The following SLC25A37 variants were observed in gnomAD, a reference collection of about 807,000 sequenced individuals.
SLC25A37 encodes the protein mitoferrin-1.
A neutral mutation model predicts 31.0 loss-of-function variants in SLC25A37; 17 were observed. That is an observed-to-expected ratio of 0.55 (90% CI 0.38 to 0.82). The LOEUF (loss-of-function observed/expected upper bound fraction) is 0.82, where lower values mean the gene tolerates loss of function less well. SLC25A37 is among the 40% of genes least tolerant of loss of function. The pLI is 0.00. For missense variants in SLC25A37, 404 were observed against 465.8 expected (o/e 0.87, Z 1.22); for synonymous variants, 222 against 193.0 (o/e 1.15, Z -1.24).
chr8:23,568,403 G>A (rs1802725455), intron 3 of SLC25A37, 25 bp downstream of exon 3: 3 of 1,613,812 alleles, frequency 1.9e-6, no homozygotes, highest in Non-Finnish European at 2.5e-6. Flanking sequence ...TCCCAGGGAG[G>A]GGCAGTAGGG....
Position 23,528,990 on chromosome 8 carries a change from G to A in SLC25A37, c.-13G>A, listed in dbSNP as rs982861663. On this transcript the variant is annotated 5_prime_UTR_variant, in exon 1 of 4. Coordinates refer to ENST00000519973, the MANE Select transcript of SLC25A37 (RefSeq NM_016612.4). ...CACCTCCTGCAGCCTCCTGCGCCCC[G>A]CCGAGCTGGCGGATGGAGCTGCGCA... is the stretch of plus-strand genomic sequence containing the variant. The A allele has an allele frequency of 5.4e-6, 8 of 1,483,862 alleles. No homozygotes were observed. Among genetic ancestry groups the A allele is most frequent in the Non-Finnish European group, 6.3e-6 (7 of 1,114,832 alleles). 91.9% of individuals were successfully genotyped at this position (1,483,862 alleles called of 1,614,324 possible). A position where few individuals can be genotyped will look rare whatever the true frequency, so the allele number is the denominator to read the frequency against.
chr8:23,569,666 T>G (rs571185168), intron 3 of SLC25A37, among the ~76,000 whole-genome samples: 1 of 152,360 alleles, frequency 6.6e-6, no homozygotes, highest in African/African-American at 2.4e-5. Flanking sequence ...CTTTCCACAT[T>G]ATCTTCTTTT....
At chr8:23,556,230 A>T (rs1485048207) in intron 1 of SLC25A37, among the ~76,000 whole-genome samples, 5 of 139,956 alleles carry the variant, frequency 3.6e-5, no homozygotes, top group African/African-American at 5.3e-5. Flanking sequence ...AAGAGCACCA[A>T]TTTTTTTTTT....
chr8:23,533,890 G>A lies in SLC25A37; in HGVS notation c.210+4678G>A, dbSNP rs115981016. On this transcript the variant is annotated intron_variant, in intron 1 of 3. Transcript: ENST00000519973. Reference sequence around the variant, plus strand: ...GCCCACCTTGAATGTTGTGTCTGATGTTTGTCATAGGAGGGGTATATCCAA... The same window carrying A: ...GCCCACCTTGAATGTTGTGTCTGATATTTGTCATAGGAGGGGTATATCCAA... 4.0e-3 allele frequency among the ~76,000 whole-genome samples: 612 copies of A among 152,268 alleles called. 4 individuals are homozygous for A. The highest frequency in any genetic ancestry group is 0.014 in the African/African-American group (567 of 41,542).
Position 23,529,256 on chromosome 8 carries a change from A to AGC in SLC25A37, c.210+55_210+56dup, listed in dbSNP as rs748338622. The AGC allele has an allele frequency of 3.3e-5, 52 of 1,556,980 alleles. 1 individual carries two copies. Among genetic ancestry groups the AGC allele is most frequent in the Middle Eastern group, 3.7e-4 (2 of 5,434 alleles). On this transcript the variant is annotated intron_variant, in intron 1 of 3. Coordinates refer to ENST00000519973, the MANE Select transcript of SLC25A37 (RefSeq NM_016612.4). The surrounding 1 kb of genome is among the most constrained non-coding windows in gnomAD (Gnocchi z 4.1). ...TCGGGGACGCAACGAGCGGAGAAGG[A>AGC]GCGCGCGCGCGCATTTGCATCCCGC...
At position 23,572,203 on chromosome 8, in the gene SLC25A37, T is replaced by TAAAAAAAAAAAAAAAAAAAA. The variant is rs540950017; in HGVS notation, c.*374_*393dup. The TAAAAAAAAAAAAAAAAAAAA allele has an allele frequency of 3.5e-5, 3 of 85,756 alleles. No homozygotes were observed. The highest frequency in any genetic ancestry group is 1.3e-4 in the African/African-American group (2 of 15,276). 5.3% of individuals were successfully genotyped at this position (85,756 alleles called of 1,614,324 possible). ...GAAAATTTGCAGTGACTGAAAACAG[T>TAAAAAAAAAAAAAAAAAAAA]AAAAAAAAAAAAAAAAAAAAAAAAA... On this transcript the variant is annotated 3_prime_UTR_variant, in exon 4 of 4. Transcript: ENST00000519973.
chr8:23,561,279 G>A (rs1376740101), intron 1 of SLC25A37, among the ~76,000 whole-genome samples: 1 of 151,974 alleles, frequency 6.6e-6, no homozygotes, highest in African/African-American at 2.4e-5. Context: ...TGGTTCAGTA[G>A]TGTTTCCTCC....
At chr8:23,566,581 G>A (rs1802666560) in intron 2 of SLC25A37, 1 of 1,261,192 alleles carries the variant, frequency 7.9e-7, no homozygotes, top group Non-Finnish European at 1.0e-6. Flanking sequence ...TGACAGAGGT[G>A]TTTTGGTTTT....
chr8:23,543,663 T>C (rs983889590), intron 1 of SLC25A37, among the ~76,000 whole-genome samples: 1 of 152,156 alleles, frequency 6.6e-6, no homozygotes, highest in Non-Finnish European at 1.5e-5. Context: ...GCTTCCCGAG[T>C]TGCTGGGACT....
At chr8:23,560,082 G>A (rs1380033298) in intron 1 of SLC25A37, among the ~76,000 whole-genome samples, 1 of 152,106 alleles carries the variant, frequency 6.6e-6, no homozygotes, top group African/African-American at 2.4e-5. Flanking sequence ...TTTGAGACCA[G>A]CCTGAGCAAC....
Position 23,529,219 on chromosome 8 carries a change from C to A in SLC25A37, c.210+7C>A. Reference sequence around the variant, plus strand: ...CCCGGTGGACTCGGTGAAGGTGAGGCGCGGGGAGACTTCGGGGACGCAACG... The same window carrying A: ...CCCGGTGGACTCGGTGAAGGTGAGGAGCGGGGAGACTTCGGGGACGCAACG... On this transcript the variant is annotated splice_region_variant and intron_variant, in intron 1 of 3. Coordinates refer to ENST00000519973, the MANE Select transcript of SLC25A37 (RefSeq NM_016612.4). The surrounding 1 kb of genome is among the most constrained non-coding windows in gnomAD (Gnocchi z 4.1). The A allele has an allele frequency of 6.2e-7, 1 of 1,602,662 alleles. No homozygotes were observed. Among genetic ancestry groups the A allele is most frequent in the Non-Finnish European group, 8.5e-7 (1 of 1,175,558 alleles).
intron 1 of SLC25A37, among the ~76,000 whole-genome samples, chr8:23,562,719 C>T (rs1802548885): frequency 6.6e-6 from 1 of 152,134 alleles, no homozygotes; most frequent in African/African-American, 2.4e-5. Context: ...CATATTATCC[C>T]ATTTAATTTT....
rs919957066 is a variant in SLC25A37 at position 23,566,445 on chromosome 8, C to T, written c.439+109C>T. 5 of 1,492,714 alleles carry T rather than the reference C, an allele frequency of 3.3e-6. No individual in the cohort carries two copies. The African/African-American group carries it at 5.7e-5, about 17-fold the overall frequency. The allele number at this position is 1,492,714 out of a possible 1,614,324, so 92.5% of individuals were successfully genotyped here. On this transcript the variant is annotated intron_variant, in intron 2 of 3. Transcript: ENST00000519973. The stretch of plus-strand genomic sequence containing the variant: ...CCGCCTCGACTTCGGCCCGCTTGCT[C>T]ACGAATAAAGAACTCAGAGTTGTGT...
intron 1 of SLC25A37, among the ~76,000 whole-genome samples, chr8:23,543,633 C>G (rs1269310638): frequency 6.6e-6 from 1 of 152,200 alleles, no homozygotes; most frequent in East Asian, 1.9e-4. Flanking sequence ...CTCCTGGCTT[C>G]ATGCCATTCT....
At chr8:23,546,499 ATATATATATATAGG>A (rs1802041986) in intron 1 of SLC25A37, among the ~76,000 whole-genome samples, 8 of 112,776 alleles carry the variant, frequency 7.1e-5, no homozygotes, top group African/African-American at 3.4e-4. Context: ...GTGTGTGTGT[ATATATATATATAGG>A]TATATATATA....
chr8:23,553,859 G>A (rs770923452), intron 1 of SLC25A37, among the ~76,000 whole-genome samples: 14 of 152,348 alleles, frequency 9.2e-5, no homozygotes, highest in Non-Finnish European at 1.5e-4. Context: ...GCTGGGCATA[G>A]ACACAGTCCT....
intron 1 of SLC25A37, among the ~76,000 whole-genome samples, chr8:23,542,783 A>G (rs1391950073): frequency 6.7e-6 from 1 of 150,096 alleles, no homozygotes; most frequent in Non-Finnish European, 1.5e-5. Context: ...TGCCAGCTGC[A>G]TTGGGACAAG....
Position 23,573,889 on chromosome 8 carries a change from A to C in SLC25A37, c.*2034A>C, listed in dbSNP as rs1226471908. ...GGGGATGTAGAAAGCCGTAAAGTCCACGCTACTGTTGAAAATGTTTACATC... is the reference window on the plus strand; with the variant it reads ...GGGGATGTAGAAAGCCGTAAAGTCCCCGCTACTGTTGAAAATGTTTACATC... On this transcript the variant is annotated 3_prime_UTR_variant, in exon 4 of 4. Transcript: ENST00000519973. 2.2e-6 allele frequency: 1 copy of C among 456,326 alleles called. No homozygotes were observed. The highest frequency in any genetic ancestry group is 2.0e-5 in the African/African-American group (1 of 50,068). 28.3% of individuals were successfully genotyped at this position (456,326 alleles called of 1,614,324 possible).
chr8:23,566,575 A>AGAGG (rs971981581), intron 2 of SLC25A37: 2 of 1,280,556 alleles, frequency 1.6e-6, no homozygotes, highest in African/African-American at 3.1e-5. Context: ...AATCAGTGAC[A>AGAGG]GAGGTGTTTT....
Sources: allele counts gnomAD v4.1 joint callset (sites outside exome capture counted in the v4.1 genomes callset), GRCh38; gene constraint gnomAD v4.1.1; non-coding constraint Gnocchi (gnomAD v3.1); transcripts MANE v1.5; gene names NCBI Gene and HGNC (gene_info 2026-07-23, HGNC 2026-07-21).